The following RPL30 variants were observed in gnomAD, a reference collection of about 807,000 sequenced individuals.
RPL30 encodes the protein ribosomal protein L30, also known as large ribosomal subunit protein eL30.
For synonymous variants in RPL30, 40 were observed against 50.4 expected (o/e 0.79, Z 0.87); for missense variants, 60 against 138.0 (o/e 0.43, Z 2.83).
chr8:98,042,532 C>T, intron 4 of RPL30, 113 bp downstream of exon 4: 1 of 994,662 alleles, frequency 1.0e-6, no homozygotes, highest in Non-Finnish European at 1.5e-6. Flanking sequence ...TTGCTAGATC[C>T]ATATTCTATC....
intron 3 of RPL30, chr8:98,044,151 C>T (rs572805673): frequency 6.6e-6 from 1 of 152,418 alleles, no homozygotes; most frequent in Admixed American, 6.5e-5. Context: ...GGCCCCATCC[C>T]AGATCCAATG....
At chr8:98,042,498 C>A (rs1046201518) in intron 4 of RPL30, 147 bp downstream of exon 4, 35 of 767,284 alleles carry the variant, frequency 4.6e-5, no homozygotes, top group Non-Finnish European at 7.0e-5. Flanking sequence ...CAATTCTCTA[C>A]AAAATACAAC....
Position 98,042,935 on chromosome 8 carries a change from A to G in RPL30, c.168-160T>C, listed in dbSNP as rs1814405609. On this transcript the variant is annotated intron_variant, in intron 3 of 4. Transcript: ENST00000287038. ...AACATCATATTCATTATCCAATACAAACCAACATTTGTATGTATCCCTTGC... is the reference window on the plus strand; with the variant it reads ...AACATCATATTCATTATCCAATACAGACCAACATTTGTATGTATCCCTTGC... The G allele has an allele frequency of 6.4e-6, 4 of 624,988 alleles. No homozygotes were observed. The South Asian group carries it at 7.5e-5, about 12-fold the overall frequency. The allele number at this position is 624,988 out of a possible 1,614,324, so 38.7% of individuals were successfully genotyped here.
chr8:98,041,725 T>G lies in RPL30; in HGVS notation c.*76A>C. 1 of 980,010 alleles carries G rather than the reference T, an allele frequency of 1.0e-6. No homozygotes were observed. The highest frequency in any genetic ancestry group is 1.6e-6 in the Non-Finnish European group (1 of 624,702). 60.7% of individuals were successfully genotyped at this position (980,010 alleles called of 1,614,324 possible). On this transcript the variant is annotated 3_prime_UTR_variant, in exon 5 of 5. Coordinates refer to ENST00000287038, the MANE Select transcript of RPL30 (RefSeq NM_000989.4). ...AATACTGAAATAGATACAATGTTTT[T>G]AAAACAAGCAAATTTTATTAAAGGA... is the stretch of plus-strand genomic sequence containing the variant.
At position 98,045,542 on chromosome 8, in the gene RPL30, A is replaced by G. The variant is rs1255451818; in HGVS notation, c.-67T>C. On this transcript the variant is annotated 5_prime_UTR_variant, in exon 1 of 5. Transcript: ENST00000287038. The stretch of plus-strand genomic sequence containing the variant: ...CCGCTAAGATGGCCGGGGAACGAGA[A>G]AGGAAAGACTTCCCACAATGCAAAG... The G allele has an allele frequency of 6.3e-6, 4 of 638,540 alleles. No homozygotes were observed. In the East Asian group the frequency reaches 1.1e-4, roughly 18 times the overall value. 39.6% of individuals were successfully genotyped at this position (638,540 alleles called of 1,614,324 possible).
intron 2 of RPL30, 70 bp downstream of exon 2, chr8:98,045,277 A>G: frequency 3.7e-6 from 6 of 1,606,460 alleles, no homozygotes; most frequent in Non-Finnish European, 5.1e-6. Flanking sequence ...CCGTGGGCTC[A>G]CATCTGCCCG....
intron 2 of RPL30, 120 bp downstream of exon 2, chr8:98,045,227 T>C (rs1410353866): frequency 1.4e-5 from 21 of 1,550,852 alleles, no homozygotes; most frequent in Non-Finnish European, 1.8e-5. Context: ...CTGGGATTCC[T>C]TCTGGGGCCC....
intron 4 of RPL30, chr8:98,042,214 G>A (rs574772044): frequency 3.1e-5 from 17 of 545,932 alleles, no homozygotes; most frequent in Admixed American, 9.8e-5. Context: ...GAGAATATTC[G>A]CAGTATTCTA....
chr8:98,045,242 A>G (rs1281274745), intron 2 of RPL30, 105 bp downstream of exon 2: 9 of 1,572,238 alleles, frequency 5.7e-6, no homozygotes, highest in Non-Finnish European at 7.0e-6. Flanking sequence ...GGGCCCTCCA[A>G]ATGCCAGCAG....
At chr8:98,044,760 G>T in intron 3 of RPL30, 183 bp downstream of exon 3, 1 of 611,776 alleles carries the variant, frequency 1.6e-6, no homozygotes, top group Non-Finnish European at 2.8e-6. Flanking sequence ...GCTCACAGAA[G>T]GGGAGCACAC....
At chr8:98,045,122 C>T in intron 2 of RPL30, 34 bp from the exon 3 acceptor site, 3 of 1,599,078 alleles carry the variant, frequency 1.9e-6, no homozygotes, top group Non-Finnish European at 2.6e-6. Context: ...GACCTAAGGG[C>T]CTCGCCTGCA....
intron 3 of RPL30, chr8:98,043,084 A>T: frequency 5.3e-6 from 1 of 189,668 alleles, no homozygotes; most frequent in Non-Finnish European, 1.1e-5. Flanking sequence ...ATTAGTAAGG[A>T]CCACATACTT....
chr8:98,044,957 G>C lies in RPL30; in HGVS notation c.153C>G (p.Asn51Lys). Reference protein sequence around the residue: ...GKAKLVILANNCPALRKSEIE... With the variant: ...GKAKLVILANKCPALRKSEIE... ...TCTTCGATTACCTCAAAGCTGGGCA[G>C]TTGTTAGCGAGAATGACCAATTTCG... Residue 51 changes from asparagine (N) to lysine (K), a missense_variant, in exon 3 of 5, where the codon AAC becomes AAG. Transcript: ENST00000287038. The C allele has an allele frequency of 6.2e-7, 1 of 1,613,528 alleles. No individual in the cohort carries two copies. Among genetic ancestry groups the C allele is most frequent in the Non-Finnish European group, 8.5e-7 (1 of 1,180,006 alleles).
chr8:98,045,239 C>T, intron 2 of RPL30, 108 bp downstream of exon 2: 1 of 1,571,108 alleles, frequency 6.4e-7, no homozygotes, highest in Non-Finnish European at 8.7e-7. Context: ...CTGGGGCCCT[C>T]CAAATGCCAG....
chr8:98,044,214 G>A (rs1814434876), intron 3 of RPL30: 1 of 152,380 alleles, frequency 6.6e-6, no homozygotes, highest in Non-Finnish European at 1.5e-5. Context: ...GCACAGTCAT[G>A]TTTCAGAAGC....
At chr8:98,044,795 G>A (rs1252233416) in intron 3 of RPL30, 148 bp downstream of exon 3, 2 of 858,294 alleles carry the variant, frequency 2.3e-6, no homozygotes, top group East Asian at 5.1e-5. Flanking sequence ...TCGGGGAGAC[G>A]GGAATGAAGG....
intron 4 of RPL30, chr8:98,042,060 CAT>C: frequency 1.4e-6 from 1 of 711,306 alleles, no homozygotes; most frequent in Non-Finnish European, 2.6e-6. Flanking sequence ...TATATAATCA[CAT>C]AAAATGATCA....
intron 3 of RPL30, chr8:98,043,912 A>G (rs1814428348): frequency 6.6e-6 from 1 of 152,228 alleles, no homozygotes; most frequent in Non-Finnish European, 1.5e-5. Flanking sequence ...CAGGAGTCCG[A>G]GACCAGCCTG....
In RPL30 at chr8:98,045,007, G is replaced by A. The variant is rs1430941995; in HGVS notation, c.103C>T (p.Leu35=). Reference sequence around the variant, plus strand: ...GCTTTGCCTTGTCTGATCATCTTCAGAGTCTGCTTGTACCCCAGGACGTAC... The same window carrying A: ...GCTTTGCCTTGTCTGATCATCTTCAAAGTCTGCTTGTACCCCAGGACGTAC... The part of the protein sequence containing the change: ...GKYVLGYKQT[L]KMIRQGKAKL... The change falls in exon 3 of 5, where the codon CTG becomes TTG. Residue 35 remains leucine, a synonymous_variant. Coordinates refer to ENST00000287038, the MANE Select transcript of RPL30 (RefSeq NM_000989.4). 1.9e-6 allele frequency: 3 copies of A among 1,614,100 alleles called. No homozygotes were observed. The highest frequency in any genetic ancestry group is 2.5e-6 in the Non-Finnish European group (3 of 1,180,024).
Sources: allele counts gnomAD v4.1 joint callset, GRCh38; gene constraint gnomAD v4.1.1; transcripts MANE v1.5; gene names NCBI Gene and HGNC (gene_info 2026-07-23, HGNC 2026-07-21).